SCYL2: variants seen among roughly 807,000 people sequenced by gnomAD.
SCYL2 encodes SCY1 like pseudokinase 2.
Under a neutral mutation model 100.4 loss-of-function variants are expected in SCYL2, and 36 were observed. The observed-to-expected ratio is 0.36, with a 90% confidence interval of 0.27 to 0.47. The LOEUF (loss-of-function observed/expected upper bound fraction) is 0.47, where lower values mean the gene tolerates loss of function less well. Among genes scored for constraint, SCYL2 ranks in the 20% least tolerant of loss-of-function variants. The pLI, the probability that SCYL2 is intolerant of heterozygous loss-of-function variation, is 1.00. For missense variants in SCYL2, 902 were observed against 1,083.9 expected, an observed-to-expected ratio of 0.83 and a Z score of 2.36; for synonymous variants, 330 against 359.2, an observed-to-expected ratio of 0.92 and a Z score of 0.92.
chr12:100,317,673 G>T, intron 9 of SCYL2, 130 bp from the exon 10 acceptor site: 2 of 1,405,206 alleles, frequency 1.4e-6, no homozygotes, highest in African/African-American at 1.5e-5. Flanking sequence ...TGTCTTCCAC[G>T]CATTCAGGCT....
At chr12:100,315,536 A>G (rs28688915) in intron 8 of SCYL2, 22 bp from the exon 9 acceptor site, 1 of 1,547,524 alleles carries the variant, frequency 6.5e-7, no homozygotes, top group East Asian at 2.3e-5. Context: ...TTTTTTTTTT[A>G]AAAAACATTT....
chr12:100,329,776 C>T (rs1401451087), intron 13 of SCYL2, among the ~76,000 whole-genome samples: 4 of 152,158 alleles, frequency 2.6e-5, no homozygotes, highest in African/African-American at 7.2e-5. Flanking sequence ...ACTTGGGGCT[C>T]GTTCAAGGCC....
intron 2 of SCYL2, among the ~76,000 whole-genome samples, chr12:100,285,563 A>G (rs766279480): frequency 2.0e-5 from 3 of 152,166 alleles, no homozygotes; most frequent in Non-Finnish European, 2.9e-5. Context: ...ATCTTGTTAT[A>G]TAGTCTTTTT....
chr12:100,306,433 G>A (rs148485927), intron 4 of SCYL2, among the ~76,000 whole-genome samples: 14 of 152,242 alleles, frequency 9.2e-5, no homozygotes, highest in African/African-American at 2.6e-4. Flanking sequence ...TGCAGAAAAG[G>A]CCTTTGATAA....
chr12:100,312,589 G>T lies in SCYL2; in HGVS notation c.788G>T (p.Gly263Val). The T allele has an allele frequency of 6.2e-7, 1 of 1,613,052 alleles. No individual in the cohort carries two copies. Among genetic ancestry groups the T allele is most frequent in the South Asian group, 1.1e-5 (1 of 91,026 alleles). The stretch of plus-strand genomic sequence containing the variant: ...GTTATGTATGCTGTATTTAATAAAG[G>T]GAAACCTATATTTGAAGTCAACAAG... ...GTVMYAVFNK[G>V]KPIFEVNKQD... Residue 263 changes from glycine to valine, a missense_variant, in exon 6 of 18, where the codon GGG becomes GTG. By Grantham distance (109) the Gly-to-Val change is moderately radical. Transcript: ENST00000360820.
chr12:100,307,229 C>CA (rs2096335664), intron 4 of SCYL2, among the ~76,000 whole-genome samples: 32 of 152,156 alleles, frequency 2.1e-4, no homozygotes, highest in Admixed American at 2.1e-3. Context: ...CATCATGCTA[C>CA]CTGACTTCAA....
chr12:100,294,460 G>A (rs2096315422), intron 3 of SCYL2, among the ~76,000 whole-genome samples: 4 of 120,472 alleles, frequency 3.3e-5, no homozygotes, highest in East Asian at 2.5e-4. Context: ...GGGGCGGCCG[G>A]GCAGAGGCGC....
At chr12:100,297,738 A>G (rs2096322566) in intron 3 of SCYL2, among the ~76,000 whole-genome samples, 3 of 151,416 alleles carry the variant, frequency 2.0e-5, no homozygotes, top group Non-Finnish European at 4.4e-5. Context: ...AATCATTTGA[A>G]CAAGGTGGTT....
chr12:100,326,150 T>C (rs1396473831), intron 11 of SCYL2, among the ~76,000 whole-genome samples: 1 of 152,100 alleles, frequency 6.6e-6, no homozygotes, highest in Non-Finnish European at 1.5e-5. Flanking sequence ...TATTTGGAAA[T>C]AGAAAACACA....
intron 8 of SCYL2, among the ~76,000 whole-genome samples, chr12:100,314,854 A>C (rs561962708): frequency 2.6e-5 from 4 of 152,334 alleles, no homozygotes; most frequent in Non-Finnish European, 2.9e-5. Flanking sequence ...TTGGATATTA[A>C]AGGTCAGAAG....
At chr12:100,315,490 G>A (rs1487387337) in intron 8 of SCYL2, 68 bp from the exon 9 acceptor site, 8 of 1,336,182 alleles carry the variant, frequency 6.0e-6, no homozygotes, top group Non-Finnish European at 8.1e-6. Flanking sequence ...TTAGACCTTA[G>A]TGTTAACTAA....
In SCYL2 at chr12:100,311,125, A is replaced by G. The variant is rs1478778366; in HGVS notation, c.562A>G (p.Lys188Glu). 1 of 1,609,722 alleles carries G rather than the reference A, an allele frequency of 6.2e-7. No homozygotes were observed. Among genetic ancestry groups the G allele is most frequent in the Non-Finnish European group, 8.5e-7 (1 of 1,178,276 alleles). Residue 188 changes from lysine (K) to glutamate (E), a missense_variant, in exon 5 of 18, where the codon AAA becomes GAA. Coordinates refer to ENST00000360820, the MANE Select transcript of SCYL2 (RefSeq NM_017988.6). ...NITPENIILN[K>E]SGAWKIMGFD... is the part of the protein sequence containing the mutation. ...CACTCCTGAAAATATAATTTTGAAT[A>G]AAAGTGGAGCCTGGAAAATAATGGG...
In SCYL2 at chr12:100,326,627, T is replaced by C. The variant is rs1239899683; in HGVS notation, c.1515T>C (p.Arg505=). The C allele has an allele frequency of 2.5e-6, 4 of 1,593,034 alleles. No homozygotes were observed. The South Asian group carries it at 4.7e-5, about 19-fold the overall frequency. Residue 505 remains arginine (R), a synonymous_variant, in exon 12 of 18, where the codon CGT becomes CGC. Coordinates refer to ENST00000360820, the MANE Select transcript of SCYL2 (RefSeq NM_017988.6). ...CAATTTACCTCTTTTAATAGGTTCGTGTAAATTCATTAGTGTGCTTAGGAA... is the reference window on the plus strand; with the variant it reads ...CAATTTACCTCTTTTAATAGGTTCGCGTAAATTCATTAGTGTGCTTAGGAA... ...ACLQTSSLAV[R]VNSLVCLGKI... is the part of the protein sequence containing the mutation.
intron 2 of SCYL2, among the ~76,000 whole-genome samples, chr12:100,284,202 G>T (rs1047813088): frequency 1.3e-5 from 2 of 152,094 alleles, no homozygotes; most frequent in African/African-American, 4.8e-5. Context: ...TAACTAGAAA[G>T]GTTCTAGGTA....
intron 2 of SCYL2, among the ~76,000 whole-genome samples, chr12:100,284,320 C>T (rs1381684205): frequency 6.6e-6 from 1 of 152,156 alleles, no homozygotes; most frequent in East Asian, 1.9e-4. Context: ...CAACTGCTGA[C>T]TATCAGCACT....
chr12:100,334,063 T>A (rs1027073356), intron 13 of SCYL2, 103 bp from the exon 14 acceptor site: 38 of 693,426 alleles, frequency 5.5e-5, no homozygotes, highest in Non-Finnish European at 3.5e-5. Flanking sequence ...ATTCTACTGG[T>A]AAAAATGGAG....
chr12:100,294,709 ACCTC>A (rs1249607449), intron 3 of SCYL2, among the ~76,000 whole-genome samples: 1 of 96,806 alleles, frequency 1.0e-5, no homozygotes, highest in Non-Finnish European at 1.9e-5. Flanking sequence ...TGACCCCCCC[ACCTC>A]CCTCCCGGAC....
intron 13 of SCYL2, among the ~76,000 whole-genome samples, chr12:100,331,250 C>G (rs1952205622): frequency 6.6e-6 from 1 of 152,158 alleles, no homozygotes; most frequent in Admixed American, 6.6e-5. Flanking sequence ...CTAAAACAGC[C>G]TTCAGCTTTT....
intron 14 of SCYL2, 183 bp from the exon 15 acceptor site, chr12:100,335,442 A>G: frequency 1.9e-6 from 1 of 523,636 alleles, no homozygotes; most frequent in South Asian, 2.9e-5. Context: ...AAATGGACTT[A>G]CATACAAATG....
Sources: allele counts gnomAD v4.1 joint callset (sites outside exome capture counted in the v4.1 genomes callset), GRCh38; gene constraint gnomAD v4.1.1; transcripts MANE v1.5; gene names NCBI Gene and HGNC (gene_info 2026-07-23, HGNC 2026-07-21).